Variants in GPCPD1 observed in about 807,000 individuals in gnomAD.
GPCPD1 encodes the protein glycerophosphocholine phosphodiesterase GPCPD1.
Under a neutral mutation model 89.2 loss-of-function variants are expected in GPCPD1, and 29 were observed. The observed-to-expected ratio is 0.33, with a 90% CI of 0.24 to 0.44. The LOEUF (loss-of-function observed/expected upper bound fraction) is 0.44. GPCPD1 is among the 20% of genes least tolerant of loss of function. GPCPD1 has a pLI of 1.00. For synonymous variants in GPCPD1, 258 were observed against 266.3 expected, an observed-to-expected ratio of 0.97 and a Z score of 0.30; for missense variants, 594 against 808.9, an observed-to-expected ratio of 0.73 and a Z score of 3.22.
rs138476110 is a variant in GPCPD1 at position 5,596,412 on chromosome 20, CAG to C, written c.146+2311_146+2312del. 9.8e-3 allele frequency among the ~76,000 whole-genome samples: 1,486 copies of C among 152,180 alleles called. 28 individuals are homozygous for C. Among genetic ancestry groups the C allele is most frequent in the African/African-American group, 0.034 (1,397 of 41,518 alleles). On this transcript the variant is annotated intron_variant, in intron 3 of 19. Coordinates refer to ENST00000379019, the MANE Select transcript of GPCPD1 (RefSeq NM_019593.5). The stretch of plus-strand genomic sequence containing the variant: ...GTCTAAAAAATTTTAAAAAAAGAAT[CAG>C]AACTATTTGGTGAACTAAAGACAAA...
intron 19 of GPCPD1, among the ~76,000 whole-genome samples, chr20:5,557,396 G>A (rs144264696): frequency 6.6e-6 from 1 of 152,306 alleles, no homozygotes; most frequent in African/African-American, 2.4e-5. Context: ...GTCTGATTCA[G>A]GATATATTTT....
Position 5,589,365 on chromosome 20 carries a change from A to G in GPCPD1, c.232-3096T>C, listed in dbSNP as rs149002236. Among the ~76,000 whole-genome samples the G allele has an allele frequency of 2.0e-5, 3 of 152,308 alleles. No homozygotes were observed. In the East Asian group the frequency reaches 5.8e-4, roughly 29 times the overall value. ...GGTGGCTCACGCCTGTAATCCCAGCACTTTGGGAGGTCAAAGCGGGTGGAT... is the reference window on the plus strand; with the variant it reads ...GGTGGCTCACGCCTGTAATCCCAGCGCTTTGGGAGGTCAAAGCGGGTGGAT... On this transcript the variant is annotated intron_variant, in intron 4 of 19. Coordinates refer to ENST00000379019, the MANE Select transcript of GPCPD1 (RefSeq NM_019593.5).
At chr20:5,561,757 T>C (rs898761789) in intron 15 of GPCPD1, among the ~76,000 whole-genome samples, 1 of 152,232 alleles carries the variant, frequency 6.6e-6, no homozygotes, top group African/African-American at 2.4e-5. Context: ...AGCAGGAGTC[T>C]CAGGCACTGT....
chr20:5,574,220 A>G (rs1978284949), intron 10 of GPCPD1: 1 of 464,174 alleles, frequency 2.2e-6, no homozygotes, highest in Non-Finnish European at 3.8e-6. Flanking sequence ...GCCTTGTACC[A>G]TGGACTTTTT....
intron 3 of GPCPD1, among the ~76,000 whole-genome samples, chr20:5,597,372 C>T (rs1354727244): frequency 6.6e-6 from 1 of 152,182 alleles, no homozygotes; most frequent in East Asian, 1.9e-4. Flanking sequence ...TTGCTTTACT[C>T]AACCTGTCTG....
In GPCPD1 at chr20:5,561,397, A is replaced by G. The variant is rs558028713; in HGVS notation, c.1395+68T>C. On this transcript the variant is annotated intron_variant, in intron 16 of 19. Transcript: ENST00000379019. Reference sequence around the variant, plus strand: ...TAGCTTATTCCATTAAAATACAAAGACAGGAATGAAAGAATTTTTTAGATA... The same window carrying G: ...TAGCTTATTCCATTAAAATACAAAGGCAGGAATGAAAGAATTTTTTAGATA... The G allele has an allele frequency of 7.2e-5, 59 of 822,402 alleles. No individual in the cohort carries two copies. In the African/African-American group the frequency reaches 9.6e-4, roughly 13 times the overall value. 50.9% of individuals were successfully genotyped at this position (822,402 alleles called of 1,614,324 possible).
At chr20:5,556,765 A>G (rs1311288068) in intron 19 of GPCPD1, among the ~76,000 whole-genome samples, 1 of 152,242 alleles carries the variant, frequency 6.6e-6, no homozygotes, top group Non-Finnish European at 1.5e-5. Flanking sequence ...TCCCTACTGG[A>G]TGCCCCACAT....
chr20:5,561,278 TACTC>T (rs999960610), intron 16 of GPCPD1, among the ~76,000 whole-genome samples, 183 bp downstream of exon 16: 6 of 152,232 alleles, frequency 3.9e-5, no homozygotes, highest in Non-Finnish European at 7.3e-5. Context: ...TAATTTGAAA[TACTC>T]ACATACTAGC....
intron 15 of GPCPD1, among the ~76,000 whole-genome samples, chr20:5,564,437 T>C (rs1986261260): frequency 6.6e-6 from 1 of 152,114 alleles, no homozygotes; most frequent in South Asian, 2.1e-4. Context: ...TTTGCTACTC[T>C]TACCAAATTA....
chr20:5,605,912 A>G (rs1198552456), intron 1 of GPCPD1, among the ~76,000 whole-genome samples: 2 of 152,078 alleles, frequency 1.3e-5, no homozygotes, highest in Non-Finnish European at 2.9e-5. Context: ...CCTTATATCC[A>G]TTTTGTCAAT....
chr20:5,567,651 C>A (rs1406363512), intron 12 of GPCPD1, 91 bp from the exon 13 acceptor site: 1 of 1,137,344 alleles, frequency 8.8e-7, no homozygotes, highest in African/African-American at 1.6e-5. Context: ...AATGCTTACA[C>A]TAGACAGGCC....
chr20:5,549,490 C>T lies in GPCPD1; in HGVS notation c.1830-1640G>A, dbSNP rs1013363423. 17 of 1,180,822 alleles carry T rather than the reference C, an allele frequency of 1.4e-5. No homozygotes were observed. In the African/African-American group the frequency reaches 2.3e-4, roughly 16 times the overall value. 73.1% of individuals were successfully genotyped at this position (1,180,822 alleles called of 1,614,324 possible). On this transcript the variant is annotated intron_variant, in intron 19 of 19. Coordinates refer to ENST00000379019, the MANE Select transcript of GPCPD1 (RefSeq NM_019593.5). The stretch of plus-strand genomic sequence containing the variant: ...ATAGGTTTGTTGTTTAAGAAGACAC[C>T]TTCTGAGTATTCTTCTGAGTATTCT...
chr20:5,568,264 C>CTTAG (rs1986515330), intron 12 of GPCPD1, among the ~76,000 whole-genome samples: 1 of 125,966 alleles, frequency 7.9e-6, no homozygotes, highest in African/African-American at 3.7e-5. Flanking sequence ...TATATATATA[C>CTTAG]TAAAATCCAT....
chr20:5,557,977 C>T lies in GPCPD1; in HGVS notation c.1797G>A (p.Lys599=), dbSNP rs749632747. ...TNDPENRRKL[K]ELGVNGLIYD... ...AAATTAGACCATTAACTCCAAGTTCCTTCAATTTCCTTCTGTTTTCAGGAT... is the reference window on the plus strand; with the variant it reads ...AAATTAGACCATTAACTCCAAGTTCTTTCAATTTCCTTCTGTTTTCAGGAT... The change falls in exon 19 of 20, where the codon AAG becomes AAA. Residue 599 remains lysine, a synonymous_variant. Transcript: ENST00000379019. 1 of 1,600,672 alleles carries T rather than the reference C, an allele frequency of 6.2e-7. No individual in the cohort carries two copies.
chr20:5,565,400 T>C (rs950840587), intron 14 of GPCPD1, among the ~76,000 whole-genome samples: 14 of 151,744 alleles, frequency 9.2e-5, no homozygotes, highest in Non-Finnish European at 1.9e-4. Flanking sequence ...TCCAGCTCAT[T>C]TTAAAAATTT....
Position 5,564,610 on chromosome 20 carries a change from G to A in GPCPD1, c.1329+407C>T, listed in dbSNP as rs564990797. Among the ~76,000 whole-genome samples the A allele has an allele frequency of 5.9e-5, 9 of 152,244 alleles. No individual in the cohort carries two copies. The South Asian group carries it at 1.9e-3, about 32-fold the overall frequency. On this transcript the variant is annotated intron_variant, in intron 15 of 19. Coordinates refer to ENST00000379019, the MANE Select transcript of GPCPD1 (RefSeq NM_019593.5). ...GGGGAGGCTGAGGCTGGGGGACAGC[G>A]TAAGTCCAGAGGTTTGAATTCCCTT...
Position 5,573,927 on chromosome 20 carries a change from A to C in GPCPD1, c.1044T>G (p.Asn348Lys), listed in dbSNP as rs770500520. ...VQENTIASLR[N>K]AASHGAAFVE... ...AAAGGTTACTTACATGACTAGCAGC[A>C]TTTCTTAAAGAAGCAATAGTATTTT... The change falls in exon 11 of 20, where the codon AAT becomes AAG. Residue 348 changes from asparagine to lysine, a missense_variant. Asn to Lys is a moderately conservative substitution (Grantham distance 94). Coordinates refer to ENST00000379019, the MANE Select transcript of GPCPD1 (RefSeq NM_019593.5). The C allele has an allele frequency of 6.6e-7, 1 of 1,520,542 alleles. No homozygotes were observed. The highest frequency in any genetic ancestry group is 2.2e-5 in the East Asian group (1 of 44,468). The allele number at this position is 1,520,542 out of a possible 1,614,324, so 94.2% of individuals were successfully genotyped here. A position where few individuals can be genotyped will look rare whatever the true frequency, so the allele number is the denominator to read the frequency against.
chr20:5,595,770 G>A (rs890729033), intron 3 of GPCPD1, among the ~76,000 whole-genome samples: 5 of 148,042 alleles, frequency 3.4e-5, no homozygotes, highest in African/African-American at 4.9e-5. Flanking sequence ...ATTAAGAATA[G>A]AAAGTTGCCA....
chr20:5,556,588 G>A (rs537880469), intron 19 of GPCPD1, among the ~76,000 whole-genome samples: 7 of 152,236 alleles, frequency 4.6e-5, no homozygotes, highest in African/African-American at 1.7e-4. Flanking sequence ...CTTCACTATC[G>A]CTGAGGTACA....
Sources: allele counts gnomAD v4.1 joint callset (sites outside exome capture counted in the v4.1 genomes callset), GRCh38; gene constraint gnomAD v4.1.1; transcripts MANE v1.5; gene names NCBI Gene and HGNC (gene_info 2026-07-23, HGNC 2026-07-21).